The following RAPGEF6 variants were observed in gnomAD, a reference collection of about 807,000 sequenced individuals.
RAPGEF6 encodes the protein Rap guanine nucleotide exchange factor 6.
In RAPGEF6, 56 loss-of-function variants were observed where a neutral mutation model predicts 171.4. That is an observed-to-expected ratio of 0.33 (90% CI 0.26 to 0.41). The LOEUF (loss-of-function observed/expected upper bound fraction) is 0.41. Ranked by LOEUF, RAPGEF6 falls within the 10% of genes least tolerant of loss-of-function variation. RAPGEF6 has a pLI of 1.00. For synonymous variants in RAPGEF6, 692 were observed against 650.1 expected (o/e 1.06, Z -0.98); for missense variants, 1,674 against 1,921.4 (o/e 0.87, Z 2.41).
At chr5:131,588,438 T>C (rs1181493956) in intron 4 of RAPGEF6, among the ~76,000 whole-genome samples, 2 of 152,118 alleles carry the variant, frequency 1.3e-5, no homozygotes, top group Non-Finnish European at 2.9e-5. Flanking sequence ...CTATTAAAGA[T>C]TAATGGGGCC....
Position 131,479,535 on chromosome 5 carries a change from T to C in RAPGEF6, c.2059A>G (p.Ile687Val), listed in dbSNP as rs755506422. The C allele has an allele frequency of 3.1e-6, 5 of 1,613,914 alleles. No homozygotes were observed. The highest frequency in any genetic ancestry group is 2.7e-5 in the African/African-American group (2 of 74,916). ...TACCTAAATAGCTTTGGAGGCAAGA[T>C]ACTAAATCGTGTTTTATCCAAAATC... ...RKILDKTRFSILPPKLFSDGG... is the reference protein window; with the variant it reads ...RKILDKTRFSVLPPKLFSDGG... Residue 687 changes from isoleucine to valine, a missense_variant, in exon 16 of 28, where the codon ATC becomes GTC. Around this residue, in one of 3 missense-constraint regions of RAPGEF6, gnomAD observed 1,116 missense variants for 1,321.5 expected, o/e 0.84. Coordinates refer to ENST00000509018, the MANE Select transcript of RAPGEF6 (RefSeq NM_016340.6).
At chr5:131,506,627 A>G (rs1757388271) in intron 9 of RAPGEF6, among the ~76,000 whole-genome samples, 2 of 152,218 alleles carry the variant, frequency 1.3e-5, no homozygotes, top group African/African-American at 2.4e-5. Flanking sequence ...TATTTTAAAA[A>G]TAAGATATAC....
At chr5:131,547,371 T>C (rs1170927368) in intron 6 of RAPGEF6, among the ~76,000 whole-genome samples, 4 of 152,168 alleles carry the variant, frequency 2.6e-5, no homozygotes, top group African/African-American at 9.7e-5. Flanking sequence ...GTGAGTACTT[T>C]GGAAACTGGT....
intron 5 of RAPGEF6, among the ~76,000 whole-genome samples, chr5:131,554,623 G>A (rs1761119116): frequency 6.6e-6 from 1 of 152,110 alleles, no homozygotes; most frequent in Admixed American, 6.5e-5. Context: ...GGGTTCAAGT[G>A]ATTCTCCAGC....
chr5:131,449,671 T>G (rs1441522546), intron 21 of RAPGEF6, among the ~76,000 whole-genome samples: 1 of 152,158 alleles, frequency 6.6e-6, no homozygotes, highest in African/African-American at 2.4e-5. Flanking sequence ...AGTATCTCCT[T>G]TATAGGGTAG....
At chr5:131,502,295 C>A (rs1026831362) in intron 11 of RAPGEF6, among the ~76,000 whole-genome samples, 1 of 152,044 alleles carries the variant, frequency 6.6e-6, no homozygotes, top group Non-Finnish European at 1.5e-5. Context: ...GTAAAAAGTG[C>A]CGAATAGAAG....
chr5:131,472,923 TAAC>T, intron 16 of RAPGEF6, 179 bp from the exon 17 acceptor site: 1 of 557,412 alleles, frequency 1.8e-6, no homozygotes, highest in Non-Finnish European at 3.1e-6. Flanking sequence ...CTAAAATTTT[TAAC>T]AATTACATTA....
chr5:131,625,846 A>G (rs913404194), intron 1 of RAPGEF6, among the ~76,000 whole-genome samples: 3 of 151,106 alleles, frequency 2.0e-5, no homozygotes, highest in African/African-American at 7.3e-5. Context: ...CTTGGTTTCC[A>G]TATTATCTTA....
At chr5:131,493,987 C>T (rs1221137379) in intron 13 of RAPGEF6, among the ~76,000 whole-genome samples, 1 of 152,146 alleles carries the variant, frequency 6.6e-6, no homozygotes, top group Non-Finnish European at 1.5e-5. Context: ...ATGAAAGGGA[C>T]CAAATTTGCC....
At chr5:131,478,514 T>C (rs1042690941) in intron 16 of RAPGEF6, among the ~76,000 whole-genome samples, 1 of 152,224 alleles carries the variant, frequency 6.6e-6, no homozygotes, top group African/African-American at 2.4e-5. Context: ...CTTCTCTTGC[T>C]CTGGCTCTAG....
At chr5:131,525,526 T>C (rs935175862) in intron 6 of RAPGEF6, among the ~76,000 whole-genome samples, 3 of 152,178 alleles carry the variant, frequency 2.0e-5, no homozygotes, top group African/African-American at 7.2e-5. Context: ...AGAGGCCATT[T>C]ATAGCTCTAC....
chr5:131,547,148 T>A (rs1760601321), intron 6 of RAPGEF6, among the ~76,000 whole-genome samples: 1 of 152,212 alleles, frequency 6.6e-6, no homozygotes, highest in African/African-American at 2.4e-5. Flanking sequence ...GCCTTAATTC[T>A]AACACTTATT....
In RAPGEF6 at chr5:131,498,509, A is replaced by G. The variant is rs759049658; in HGVS notation, c.1353T>C (p.Leu451=). ...TGATCCCAACATCCAAAGGACTTTC[A>G]AGAAATGTCCTGTAAGTTAATAGAA... ...EDFLLTYRTF[L]ESPLDVGIKL... is the part of the protein sequence containing the mutation. The change falls in exon 12 of 28, where the codon CTT becomes CTC. Residue 451 remains leucine, a synonymous_variant. Transcript: ENST00000509018. 47 of 1,613,656 alleles carry G rather than the reference A, an allele frequency of 2.9e-5. No homozygotes were observed. The highest frequency in any genetic ancestry group is 1.3e-4 in the South Asian group (12 of 90,904).
At chr5:131,567,727 T>C (rs1486096086) in intron 4 of RAPGEF6, among the ~76,000 whole-genome samples, 2 of 152,318 alleles carry the variant, frequency 1.3e-5, no homozygotes, top group Non-Finnish European at 2.9e-5. Context: ...ATCAAAGTGG[T>C]TGGTAATACT....
chr5:131,429,999 G>A (rs187522431), intron 26 of RAPGEF6, among the ~76,000 whole-genome samples: 3 of 149,610 alleles, frequency 2.0e-5, no homozygotes, highest in African/African-American at 5.0e-5. Flanking sequence ...GCAGTGAGCC[G>A]AGGTCATGCC....
chr5:131,574,411 G>T (rs569939131), intron 4 of RAPGEF6, among the ~76,000 whole-genome samples: 1 of 152,124 alleles, frequency 6.6e-6, no homozygotes, highest in African/African-American at 2.4e-5. Context: ...TTACAGTGGA[G>T]GGTAAGTCCA....
At chr5:131,490,185 C>A (rs562900071) in intron 14 of RAPGEF6, among the ~76,000 whole-genome samples, 2 of 152,252 alleles carry the variant, frequency 1.3e-5, no homozygotes, top group South Asian at 4.1e-4. Context: ...CACAAGAGGG[C>A]TTCCCCAATT....
At chr5:131,528,077 T>A (rs1199047498) in intron 6 of RAPGEF6, among the ~76,000 whole-genome samples, 5 of 57,710 alleles carry the variant, frequency 8.7e-5, no homozygotes, top group African/African-American at 2.0e-4. Context: ...AATTTATAAT[T>A]TATATTATAT....
rs386404987 is a variant in RAPGEF6 at position 131,614,281 on chromosome 5, C to CA, written c.70-9589dup. ...TGGGTGACAGAGCAAGACTCTGTCT[C>CA]AAAAAAAAAAAAAAAAAAAAAGAAA... is the stretch of plus-strand genomic sequence containing the variant. On this transcript the variant is annotated intron_variant, in intron 1 of 27. Transcript: ENST00000509018. Among the ~76,000 whole-genome samples, 48 of 81,412 alleles carry CA rather than the reference C, an allele frequency of 5.9e-4. 2 individuals are homozygous for CA. Among genetic ancestry groups the CA allele is most frequent in the East Asian group, 1.4e-3 (4 of 2,778 alleles). 53.4% of individuals were successfully genotyped at this position (81,412 alleles called of 152,430 possible).
Sources: allele counts gnomAD v4.1 joint callset (sites outside exome capture counted in the v4.1 genomes callset), GRCh38; gene constraint gnomAD v4.1.1; regional missense constraint gnomAD v4.1.1; transcripts MANE v1.5; gene names NCBI Gene and HGNC (gene_info 2026-07-23, HGNC 2026-07-21).